MINPP1: variants seen among roughly 807,000 people sequenced by gnomAD.
MINPP1 encodes multiple inositol polyphosphate phosphatase 1.
A neutral mutation model predicts 46.1 loss-of-function variants in MINPP1; 28 were observed. The observed-to-expected ratio is 0.61, with a 90% CI of 0.45 to 0.83. The LOEUF (loss-of-function observed/expected upper bound fraction) is 0.83. MINPP1 is among the 40% of genes least tolerant of loss of function. The pLI, the probability that MINPP1 is intolerant of heterozygous loss-of-function variation, is 0.00. For synonymous variants in MINPP1, 268 were observed against 249.1 expected, an observed-to-expected ratio of 1.08 and a Z score of -0.72; for missense variants, 603 against 610.0, an observed-to-expected ratio of 0.99 and a Z score of 0.12.
At chr10:87,534,738 T>A (rs913713292) in intron 4 of MINPP1, among the ~76,000 whole-genome samples, 10 of 152,222 alleles carry the variant, frequency 6.6e-5, no homozygotes, top group Admixed American at 5.2e-4. Flanking sequence ...CACAACTTTT[T>A]AATAACTGTT....
intron 4 of MINPP1, among the ~76,000 whole-genome samples, chr10:87,551,614 C>G (rs1851963895): frequency 6.6e-6 from 1 of 151,986 alleles, no homozygotes; most frequent in African/African-American, 2.4e-5. Context: ...CCTGTTCAGA[C>G]TTGGTAAGAC....
chr10:87,524,244 T>C (rs1265503624), intron 4 of MINPP1, among the ~76,000 whole-genome samples: 1 of 152,232 alleles, frequency 6.6e-6, no homozygotes, highest in Non-Finnish European at 1.5e-5. Flanking sequence ...ACTTACATTT[T>C]TGTGTTATGG....
chr10:87,510,657 G>A (rs921266610), intron 2 of MINPP1, among the ~76,000 whole-genome samples: 1 of 152,200 alleles, frequency 6.6e-6, no homozygotes, highest in African/African-American at 2.4e-5. Context: ...CACTTTGGGA[G>A]GCCAAGGTGG....
At chr10:87,530,550 T>G (rs1049584256) in intron 4 of MINPP1, among the ~76,000 whole-genome samples, 3 of 152,162 alleles carry the variant, frequency 2.0e-5, no homozygotes, top group African/African-American at 7.2e-5. Context: ...TGGCAAATGT[T>G]GCTGCCTGAT....
chr10:87,507,978 C>G, intron 1 of MINPP1: 2 of 1,375,218 alleles, frequency 1.5e-6, no homozygotes, highest in South Asian at 3.5e-5. Context: ...GTTGAATTCT[C>G]TCTCACCTTG....
At chr10:87,510,937 A>G (rs984102625) in intron 2 of MINPP1, among the ~76,000 whole-genome samples, 1 of 152,200 alleles carries the variant, frequency 6.6e-6, no homozygotes, top group African/African-American at 2.4e-5. Context: ...ATTTTCCCAT[A>G]TCTTCCAACA....
intron 4 of MINPP1, among the ~76,000 whole-genome samples, chr10:87,524,005 G>A (rs1240813850): frequency 1.3e-5 from 2 of 152,154 alleles, no homozygotes; most frequent in Admixed American, 6.6e-5. Context: ...AGAATTTTTG[G>A]AATGACCAGT....
At chr10:87,524,319 C>T (rs1851544693) in intron 4 of MINPP1, among the ~76,000 whole-genome samples, 1 of 152,182 alleles carries the variant, frequency 6.6e-6, no homozygotes, top group African/African-American at 2.4e-5. Context: ...TCTTTTGCAG[C>T]TTCCTTACCT....
In MINPP1 at chr10:87,505,121, G is replaced by C; in HGVS notation, c.206G>C (p.Arg69Pro). The change falls in exon 1 of 5, where the codon CGG (arginine) becomes CCG (proline). Residue 69 changes from arginine (R) to proline (P), a missense_variant. Coordinates refer to ENST00000371996, the MANE Select transcript of MINPP1 (RefSeq NM_004897.5). The surrounding 1 kb of genome is among the most constrained non-coding windows in gnomAD (Gnocchi z 4.4). ...TTGTCGGGCCCCGAGGCTCCGTGGC[G>C]GGACCCTGAGCTGCTGGAGGGGACC... is the stretch of plus-strand genomic sequence containing the variant. ...VLLSGPEAPW[R>P]DPELLEGTCT... 2 of 1,612,692 alleles carry C rather than the reference G, an allele frequency of 1.2e-6. No individual in the cohort carries two copies. The highest frequency in any genetic ancestry group is 4.5e-5 in the East Asian group (2 of 44,866).
chr10:87,512,978 C>T, intron 2 of MINPP1, 146 bp from the exon 3 acceptor site: 1 of 682,274 alleles, frequency 1.5e-6, no homozygotes, highest in Middle Eastern at 2.5e-4. Context: ...TCTTTGATAG[C>T]CAGGAAGAAA....
At position 87,552,757 on chromosome 10, in the gene MINPP1, A is replaced by G. The variant is rs1851983170; in HGVS notation, c.*279A>G. 1 of 420,222 alleles carries G rather than the reference A, an allele frequency of 2.4e-6. No individual in the cohort carries two copies. The highest frequency in any genetic ancestry group is 2.0e-5 in the African/African-American group (1 of 49,644). 26.0% of individuals were successfully genotyped at this position (420,222 alleles called of 1,614,324 possible). ...GAAATTCTTCCTACTTATATAAGAAATCTCACACTGAGATAGAATTGTGAT... is the reference window on the plus strand; with the variant it reads ...GAAATTCTTCCTACTTATATAAGAAGTCTCACACTGAGATAGAATTGTGAT... On this transcript the variant is annotated 3_prime_UTR_variant, in exon 5 of 5. Transcript: ENST00000371996.
chr10:87,545,325 A>G (rs181607974), intron 4 of MINPP1, among the ~76,000 whole-genome samples: 71 of 152,152 alleles, frequency 4.7e-4, no homozygotes, highest in African/African-American at 1.7e-3. Context: ...TAAAAAAGAC[A>G]TAAACCAAAC....
At chr10:87,531,559 C>T (rs1851661040) in intron 4 of MINPP1, among the ~76,000 whole-genome samples, 1 of 152,102 alleles carries the variant, frequency 6.6e-6, no homozygotes, top group African/African-American at 2.4e-5. Flanking sequence ...GGTTTGACTC[C>T]TGGTCCTGCT....
At position 87,553,262 on chromosome 10, in the gene MINPP1, A is replaced by G. The variant is rs886590773; in HGVS notation, c.*784A>G. The G allele has an allele frequency of 1.3e-5, 2 of 151,730 alleles. No individual in the cohort carries two copies. Among genetic ancestry groups the G allele is most frequent in the African/African-American group, 4.8e-5 (2 of 41,302 alleles). The allele number at this position is 151,730 out of a possible 1,614,324, so 9.4% of individuals were successfully genotyped here. A position where few individuals can be genotyped will look rare whatever the true frequency, so the allele number is the denominator to read the frequency against. ...TCTGTCACTTGGCTTCGATTTTTAT[A>G]TTTTCCTATTATATGAAATGTATCT... On this transcript the variant is annotated 3_prime_UTR_variant, in exon 5 of 5. Coordinates refer to ENST00000371996, the MANE Select transcript of MINPP1 (RefSeq NM_004897.5).
chr10:87,547,705 T>C (rs974617644), intron 4 of MINPP1, among the ~76,000 whole-genome samples: 1 of 152,206 alleles, frequency 6.6e-6, no homozygotes, highest in Non-Finnish European at 1.5e-5. Context: ...TAGGTACTAA[T>C]ATTTTAGGAG....
intron 1 of MINPP1, among the ~76,000 whole-genome samples, chr10:87,506,855 C>T (rs1159975460): frequency 6.6e-6 from 1 of 152,146 alleles, no homozygotes; most frequent in Non-Finnish European, 1.5e-5. Context: ...GATTCTGTGT[C>T]ATGTTATTGT....
chr10:87,519,556 A>G (rs539520090), intron 3 of MINPP1, among the ~76,000 whole-genome samples: 6 of 152,138 alleles, frequency 3.9e-5, no homozygotes, highest in African/African-American at 1.4e-4. Flanking sequence ...CTACACTGCT[A>G]CCTTTGGAAG....
At chr10:87,518,636 C>G (rs1851448724) in intron 3 of MINPP1, among the ~76,000 whole-genome samples, 1 of 152,086 alleles carries the variant, frequency 6.6e-6, no homozygotes, top group South Asian at 2.1e-4. Context: ...TATTAGATCC[C>G]ACAGGTTGAG....
rs1851307216 is a variant in MINPP1, at chr10:87,509,665, T to C, written c.835+1132T>C. 8.9e-5 allele frequency: 23 copies of C among 257,134 alleles called. No homozygotes were observed. In the South Asian group the frequency reaches 9.1e-4, roughly 10 times the overall value. The allele number at this position is 257,134 out of a possible 1,614,324, so 15.9% of individuals were successfully genotyped here. ...GTAATTGTTGTCATGAATTGAGCAT[T>C]TATATTATCCCATGCCAGTTTTATA... On this transcript the variant is annotated intron_variant, in intron 2 of 4. Coordinates refer to ENST00000371996, the MANE Select transcript of MINPP1 (RefSeq NM_004897.5).
Sources: gnomAD v4.1 joint callset for allele counts (sites outside exome capture counted in the v4.1 genomes callset) on GRCh38, gnomAD v4.1.1 for gene constraint, Gnocchi (gnomAD v3.1) non-coding constraint, MANE v1.5 for transcripts, NCBI Gene and HGNC (gene_info 2026-07-23, HGNC 2026-07-21) for gene names.